Variants in PLA2G4A observed in about 807,000 individuals in gnomAD.
The protein encoded by PLA2G4A is cytosolic phospholipase A2.
In PLA2G4A, 40 loss-of-function variants were observed where a neutral mutation model predicts 81.9. The ratio of observed to expected loss-of-function variants is 0.49; its 90% confidence interval spans 0.38 to 0.64. PLA2G4A has a LOEUF of 0.64. Among genes scored for constraint, PLA2G4A ranks in the 30% least tolerant of loss-of-function variants. The pLI, the probability that PLA2G4A is intolerant of heterozygous loss-of-function variation, is 0.00. For missense variants in PLA2G4A, 715 were observed against 905.1 expected, an observed-to-expected ratio of 0.79 and a Z score of 2.69; for synonymous variants, 302 against 296.9, an observed-to-expected ratio of 1.02 and a Z score of -0.18.
chr1:186,943,191 T>C (rs1656219803), intron 10 of PLA2G4A, among the ~76,000 whole-genome samples: 1 of 152,232 alleles, frequency 6.6e-6, no homozygotes, highest in Non-Finnish European at 1.5e-5. Flanking sequence ...GATAATATTT[T>C]CCCTTCCTCT....
At chr1:186,921,566 A>G (rs1655352501) in intron 7 of PLA2G4A, among the ~76,000 whole-genome samples, 1 of 152,102 alleles carries the variant, frequency 6.6e-6, no homozygotes, top group African/African-American at 2.4e-5. Flanking sequence ...CAAGCTGTCA[A>G]CGGAGAAGTT....
rs1436651842 is a variant in PLA2G4A, at chr1:186,949,356, G to GA, written c.1265-1298dup. 4.7e-4 allele frequency among the ~76,000 whole-genome samples: 51 copies of GA among 109,416 alleles called. No individual in the cohort carries two copies. In the South Asian group the frequency reaches 0.011, roughly 23 times the overall value. The allele number at this position is 109,416 out of a possible 152,430, so 71.8% of individuals were successfully genotyped here. A position where few individuals can be genotyped will look rare whatever the true frequency, so the allele number is the denominator to read the frequency against. On this transcript the variant is annotated intron_variant, in intron 12 of 17. Transcript: ENST00000367466. ...GAAAGAAGAAAGAAAGAGAAAGAAA[G>GA]AAAGAGAAAGAAAGAAAAGAAAGAA...
At position 186,893,037 on chromosome 1, in the gene PLA2G4A, C is replaced by A. The variant is rs1420219386; in HGVS notation, c.142C>A (p.Leu48Ile). The A allele has an allele frequency of 6.2e-7, 1 of 1,610,262 alleles. No individual in the cohort carries two copies. Among genetic ancestry groups the A allele is most frequent in the East Asian group, 2.2e-5 (1 of 44,826 alleles). The change falls in exon 4 of 18, where the codon CTT becomes ATT. Residue 48 changes from leucine (L) to isoleucine (I), a missense_variant. Physicochemically the swap from Leu to Ile is conservative, Grantham distance 5. Transcript: ENST00000367466. ...TGATACTCCAGATCCCTATGTGGAA[C>A]TTTTTATCTCTACAACCCCTGACAG... The part of the protein sequence containing the change: ...MLDTPDPYVE[L>I]FISTTPDSRK...
chr1:186,887,219 A>G (rs1243444939), intron 3 of PLA2G4A, among the ~76,000 whole-genome samples: 1 of 152,112 alleles, frequency 6.6e-6, no homozygotes, highest in African/African-American at 2.4e-5. Context: ...AATTGTAACA[A>G]ATTACTTGTA....
chr1:186,914,008 G>A lies in PLA2G4A; in HGVS notation c.558+2619G>A, dbSNP rs189614215. On this transcript the variant is annotated intron_variant, in intron 7 of 17. Transcript: ENST00000367466. ...TGCTTAAGGGGAATTTTTGCTTAAAGGAAACTAAGGAAACCTTCATTAAAG... is the reference window on the plus strand; with the variant it reads ...TGCTTAAGGGGAATTTTTGCTTAAAAGAAACTAAGGAAACCTTCATTAAAG... Among the ~76,000 whole-genome samples, 80 of 152,274 alleles carry A rather than the reference G, an allele frequency of 5.3e-4. 1 individual carries two copies. The East Asian group carries it at 0.013, about 25-fold the overall frequency.
rs368734252 is a variant in PLA2G4A, at chr1:186,895,593, A to C, written c.378+1382A>C. ...CTGGGAAGGAGGTGAGTAAAGGTTG[A>C]AATGAGAAGTGGAAGTAGGGAGATA... On this transcript the variant is annotated intron_variant, in intron 5 of 17. Coordinates refer to ENST00000367466, the MANE Select transcript of PLA2G4A (RefSeq NM_024420.3). Among the ~76,000 whole-genome samples, 3 of 152,244 alleles carry C rather than the reference A, an allele frequency of 2.0e-5. No homozygotes were observed. In the East Asian group the frequency reaches 5.8e-4, roughly 29 times the overall value.
chr1:186,871,396 A>G (rs1653262874), intron 3 of PLA2G4A, among the ~76,000 whole-genome samples: 1 of 152,200 alleles, frequency 6.6e-6, no homozygotes, highest in African/African-American at 2.4e-5. Flanking sequence ...TAGATTTAAC[A>G]TCTTAGATTG....
At chr1:186,914,109 A>G (rs1254337837) in intron 7 of PLA2G4A, among the ~76,000 whole-genome samples, 1 of 149,638 alleles carries the variant, frequency 6.7e-6, no homozygotes, top group Non-Finnish European at 1.5e-5. Flanking sequence ...TTTTTTTTTG[A>G]GACAGGGTTT....
At chr1:186,904,500 A>G (rs535623151) in intron 5 of PLA2G4A, among the ~76,000 whole-genome samples, 2 of 152,364 alleles carry the variant, frequency 1.3e-5, no homozygotes, top group South Asian at 2.1e-4. Context: ...CTTATCATGC[A>G]TAGCATGTCT....
chr1:186,871,345 A>T (rs895378213), intron 3 of PLA2G4A, among the ~76,000 whole-genome samples: 6 of 152,206 alleles, frequency 3.9e-5, no homozygotes, highest in Non-Finnish European at 2.9e-5. Context: ...ACAAAGTATT[A>T]TGATGATGAA....
intron 1 of PLA2G4A, among the ~76,000 whole-genome samples, chr1:186,852,794 C>T (rs563853768): frequency 6.6e-6 from 1 of 152,020 alleles, no homozygotes; most frequent in African/African-American, 2.4e-5. Flanking sequence ...AAAACTATAG[C>T]ACTAAAGTAG....
chr1:186,839,825 A>T (rs913327504), intron 1 of PLA2G4A, among the ~76,000 whole-genome samples: 1 of 152,148 alleles, frequency 6.6e-6, no homozygotes, highest in Non-Finnish European at 1.5e-5. Flanking sequence ...AAAATTTTAC[A>T]TGAAACTTTG....
Position 186,956,260 on chromosome 1 carries a change from A to G in PLA2G4A, c.1495A>G (p.Asn499Asp). Residue 499 changes from asparagine (N) to aspartate (D), a missense_variant, in exon 14 of 18, where the codon AAT becomes GAT. Physicochemically the swap from Asn to Asp is conservative, Grantham distance 23. Transcript: ENST00000367466. ...VHNFMLGLNL[N>D]TSYPLSPLSD... ...CAACTTCATGCTGGGCTTGAATCTC[A>G]ATACATCTTATCCACTGTCTCCTTT... 6.2e-7 allele frequency: 1 copy of G among 1,613,698 alleles called. No individual in the cohort carries two copies. Among genetic ancestry groups the G allele is most frequent in the Non-Finnish European group, 8.5e-7 (1 of 1,179,640 alleles).
intron 5 of PLA2G4A, among the ~76,000 whole-genome samples, chr1:186,899,203 G>A (rs573553119): frequency 2.0e-5 from 3 of 152,166 alleles, no homozygotes; most frequent in Non-Finnish European, 4.4e-5. Flanking sequence ...AGGTATCTTT[G>A]AGGATATCTG....
At chr1:186,939,305 A>T in intron 9 of PLA2G4A, 75 bp downstream of exon 9, 1 of 631,732 alleles carries the variant, frequency 1.6e-6, no homozygotes, top group Non-Finnish European at 2.6e-6. Flanking sequence ...TTTTAAATAA[A>T]AGAAAATGTA....
At chr1:186,841,580 T>A (rs577470270) in intron 1 of PLA2G4A, among the ~76,000 whole-genome samples, 1 of 152,308 alleles carries the variant, frequency 6.6e-6, no homozygotes, top group South Asian at 2.1e-4. Context: ...CTTACAAATT[T>A]GTACAATGAA....
rs1281423943 is a variant in PLA2G4A at position 186,988,718 on chromosome 1, A to AT, written c.*214dup. The AT allele has an allele frequency of 1.5e-4, 68 of 442,592 alleles. No homozygotes were observed. Among genetic ancestry groups the AT allele is most frequent in the Non-Finnish European group, 3.0e-5 (7 of 236,868 alleles). The allele number at this position is 442,592 out of a possible 1,614,324, so 27.4% of individuals were successfully genotyped here. On this transcript the variant is annotated 3_prime_UTR_variant, in exon 18 of 18. Transcript: ENST00000367466. ...ATTATGTAAGGATATACTTAGCTAC[A>AT]TTTTCAGTCAGTATGAACTTCCTGA...
intron 14 of PLA2G4A, among the ~76,000 whole-genome samples, chr1:186,962,026 C>T (rs924555593): frequency 6.6e-6 from 1 of 152,178 alleles, no homozygotes; most frequent in Non-Finnish European, 1.5e-5. Flanking sequence ...TCTGTCCAGG[C>T]TGCATATGCT....
intron 5 of PLA2G4A, among the ~76,000 whole-genome samples, chr1:186,901,374 A>G (rs1654531995): frequency 6.6e-6 from 1 of 152,092 alleles, no homozygotes; most frequent in Non-Finnish European, 1.5e-5. Flanking sequence ...CATTCTTGGG[A>G]TTCCTCTGTT....
Sources: allele counts gnomAD v4.1 joint callset (sites outside exome capture counted in the v4.1 genomes callset), GRCh38; gene constraint gnomAD v4.1.1; transcripts MANE v1.5; gene names NCBI Gene and HGNC (gene_info 2026-07-23, HGNC 2026-07-21).